SMIM31: variants seen among roughly 807,000 people sequenced by gnomAD.
The protein encoded by SMIM31 is small integral membrane protein 31.
At chr4:164,769,943 T>C (rs1226065928) in intron 1 of SMIM31, among the ~76,000 whole-genome samples, 2 of 152,222 alleles carry the variant, frequency 1.3e-5, no homozygotes, top group African/African-American at 2.4e-5. Flanking sequence ...CTCTACCATA[T>C]ACTAGATTTA....
rs10213405 is a variant in SMIM31 at position 164,802,366 on chromosome 4, A to C, written c.*1172A>C. 0.68 allele frequency: 103,982 copies of C among 152,242 alleles called. 36,564 individuals are homozygous for C. The highest frequency in any genetic ancestry group is 0.79 in the Non-Finnish European group (54,076 of 68,156). The allele number at this position is 152,242 out of a possible 1,614,324, so 9.4% of individuals were successfully genotyped here. A position where few individuals can be genotyped will look rare whatever the true frequency, so the allele number is the denominator to read the frequency against. On this transcript the variant is annotated 3_prime_UTR_variant, in exon 3 of 3. Coordinates refer to ENST00000507311, the MANE Select transcript of SMIM31 (RefSeq NM_001352885.1). ...TCCTCTTGCTTCAGCCTCCCAAGTA[A>C]CTGTGACTACAAGCATGTGTCATCA...
intron 2 of SMIM31, among the ~76,000 whole-genome samples, chr4:164,782,672 A>T (rs1489301734): frequency 6.6e-6 from 1 of 151,518 alleles, no homozygotes; most frequent in Non-Finnish European, 1.5e-5. Flanking sequence ...AGAGATTCCT[A>T]AATTTAAAAA....
At chr4:164,759,341 C>A (rs1233484018) in intron 1 of SMIM31, among the ~76,000 whole-genome samples, 1 of 152,036 alleles carries the variant, frequency 6.6e-6, no homozygotes, top group Non-Finnish European at 1.5e-5. Context: ...CACAATCTTT[C>A]CATGGAAAAG....
chr4:164,772,665 G>A (rs183513709), intron 2 of SMIM31, among the ~76,000 whole-genome samples: 3,488 of 150,046 alleles, frequency 0.023, 130 homozygotes, highest in African/African-American at 0.08. Context: ...TGCAAGCTCC[G>A]CCTCCCGGGT....
At chr4:164,775,261 C>G (rs1371973085) in intron 2 of SMIM31, among the ~76,000 whole-genome samples, 21 of 152,178 alleles carry the variant, frequency 1.4e-4, no homozygotes, top group Admixed American at 1.4e-3. Flanking sequence ...CATGAAGACT[C>G]CCTTGTTTAC....
At chr4:164,757,625 T>G (rs530827573) in intron 1 of SMIM31, among the ~76,000 whole-genome samples, 7 of 152,264 alleles carry the variant, frequency 4.6e-5, no homozygotes, top group Admixed American at 2.0e-4. Flanking sequence ...AAGTTCCTTT[T>G]TTTTTTCCTA....
At chr4:164,758,622 CTTTTTTTGTTT>C (rs1342439222) in intron 1 of SMIM31, among the ~76,000 whole-genome samples, 5 of 105,390 alleles carry the variant, frequency 4.7e-5, no homozygotes, top group Admixed American at 1.3e-4. Flanking sequence ...TGTAGTTTTC[CTTTTTTTGTTT>C]TTTTTTTTTT....
At position 164,802,648 on chromosome 4, in the gene SMIM31, A is replaced by G. The variant is rs545175948; in HGVS notation, c.*1454A>G. ...AAGATACCTACCTGCATCTCATAAG[A>G]ATCATAGCTCAGGTCTCCATTGCCA... On this transcript the variant is annotated 3_prime_UTR_variant, in exon 3 of 3. Transcript: ENST00000507311. The G allele has an allele frequency of 2.0e-5, 3 of 152,376 alleles. No individual in the cohort carries two copies. Among genetic ancestry groups the G allele is most frequent in the Admixed American group, 2.0e-4 (3 of 15,302 alleles). 9.4% of individuals were successfully genotyped at this position (152,376 alleles called of 1,614,324 possible). A position where few individuals can be genotyped will look rare whatever the true frequency, so the allele number is the denominator to read the frequency against.
In SMIM31 at chr4:164,775,195, C is replaced by G. The variant is rs1020204746; in HGVS notation, c.112+4640C>G. 2.3e-4 allele frequency among the ~76,000 whole-genome samples: 35 copies of G among 152,154 alleles called. 1 individual carries two copies. ...GCTTAAGGAAAAGAACTACCTTTCC[C>G]CTTATGACATAGATAAGACTCACTG... On this transcript the variant is annotated intron_variant, in intron 2 of 2. Coordinates refer to ENST00000507311, the MANE Select transcript of SMIM31 (RefSeq NM_001352885.1).
At chr4:164,756,899 T>C (rs1338308778) in intron 1 of SMIM31, among the ~76,000 whole-genome samples, 1 of 152,210 alleles carries the variant, frequency 6.6e-6, no homozygotes, top group Non-Finnish European at 1.5e-5. Context: ...GAGATAAGTG[T>C]TTCTCTGAAC....
chr4:164,788,478 CTTTTTTTT>C (rs72177805), intron 2 of SMIM31, among the ~76,000 whole-genome samples: 684 of 58,152 alleles, frequency 0.012, 5 homozygotes, highest in African/African-American at 0.043. Flanking sequence ...TCTAATTTTT[CTTTTTTTT>C]TTTTTTTTTT....
intron 2 of SMIM31, among the ~76,000 whole-genome samples, chr4:164,789,498 T>G (rs930298614): frequency 6.6e-6 from 1 of 152,194 alleles, no homozygotes; most frequent in African/African-American, 2.4e-5. Flanking sequence ...ACCAAAATAT[T>G]TGTCCACTCT....
At chr4:164,756,012 C>T (rs1056335855) in intron 1 of SMIM31, among the ~76,000 whole-genome samples, 1 of 152,082 alleles carries the variant, frequency 6.6e-6, no homozygotes, top group African/African-American at 2.4e-5. Context: ...TTTTATGATA[C>T]CTTTTAAAGT....
chr4:164,799,483 G>T (rs1348925441), intron 2 of SMIM31, among the ~76,000 whole-genome samples: 1 of 152,048 alleles, frequency 6.6e-6, no homozygotes, highest in African/African-American at 2.4e-5. Flanking sequence ...GCCTAATACA[G>T]GGCAGAAGAA....
chr4:164,773,909 G>GTAATCCCA, intron 2 of SMIM31, among the ~76,000 whole-genome samples: 1 of 152,300 alleles, frequency 6.6e-6, no homozygotes, highest in South Asian at 2.1e-4. Context: ...GCTCACGCCT[G>GTAATCCCA]TAATCCCAGC....
chr4:164,756,841 G>A (rs1434423155), intron 1 of SMIM31, among the ~76,000 whole-genome samples: 2 of 152,072 alleles, frequency 1.3e-5, no homozygotes, highest in East Asian at 1.9e-4. Context: ...GTCAATGGAC[G>A]CCTGAGTTTT....
At chr4:164,776,530 T>C (rs1462753770) in intron 2 of SMIM31, among the ~76,000 whole-genome samples, 1 of 152,164 alleles carries the variant, frequency 6.6e-6, no homozygotes, top group Non-Finnish European at 1.5e-5. Context: ...CACATAAAAA[T>C]ACAATTCTTC....
chr4:164,798,797 C>T (rs745463491), intron 2 of SMIM31, among the ~76,000 whole-genome samples: 30 of 151,980 alleles, frequency 2.0e-4, no homozygotes, highest in African/African-American at 5.8e-4. Flanking sequence ...AGGTGGGGCC[C>T]GGTTGGGGGT....
At chr4:164,777,083 T>C (rs563183035) in intron 2 of SMIM31, among the ~76,000 whole-genome samples, 3 of 152,344 alleles carry the variant, frequency 2.0e-5, no homozygotes, top group Non-Finnish European at 2.9e-5. Flanking sequence ...CTCAGTGACA[T>C]GAAGCACAAA....
Sources: allele counts gnomAD v4.1 joint callset (sites outside exome capture counted in the v4.1 genomes callset), GRCh38; gene constraint gnomAD v4.1.1; transcripts MANE v1.5; gene names NCBI Gene and HGNC (gene_info 2026-07-23, HGNC 2026-07-21).